KCTD16: variants seen among roughly 807,000 people sequenced by gnomAD.
KCTD16 encodes the protein potassium channel tetramerization domain containing 16, also known as BTB/POZ domain-containing protein KCTD16.
KCTD16 carries 13 observed loss-of-function variants against 33.2 expected under a neutral mutation model. The observed-to-expected ratio is 0.39, with a 90% CI of 0.25 to 0.62. KCTD16 has a LOEUF of 0.62. Among genes scored for constraint, KCTD16 ranks in the 20% least tolerant of loss-of-function variants. The pLI is 0.50. For missense variants in KCTD16, 441 were observed against 525.1 expected (o/e 0.84, Z 1.57); for synonymous variants, 197 against 195.3 (o/e 1.01, Z -0.07).
intron 3 of KCTD16, among the ~76,000 whole-genome samples, chr5:144,320,579 G>A (rs567737984): frequency 1.4e-3 from 217 of 152,150 alleles, no homozygotes; most frequent in African/African-American, 5.0e-3. Context: ...GGTTAAAGTA[G>A]GAATACAAGT....
rs73792380 is a variant in KCTD16 at position 144,300,747 on chromosome 5, C to T, written c.832+93201C>T. ...TGGTTGGGCAAAACAGGAGAGTCCACCCAAAGGATTTCACATTATTAAATA... is the reference window on the plus strand; with the variant it reads ...TGGTTGGGCAAAACAGGAGAGTCCATCCAAAGGATTTCACATTATTAAATA... On this transcript the variant is annotated intron_variant, in intron 3 of 3. Transcript: ENST00000512467. Among the ~76,000 whole-genome samples, 287 of 152,170 alleles carry T rather than the reference C, an allele frequency of 1.9e-3. 2 individuals are homozygous for T. Among genetic ancestry groups the T allele is most frequent in the African/African-American group, 6.4e-3 (266 of 41,498 alleles).
At chr5:144,241,138 G>A (rs765264906) in intron 3 of KCTD16, among the ~76,000 whole-genome samples, 12 of 152,142 alleles carry the variant, frequency 7.9e-5, no homozygotes, top group Non-Finnish European at 8.8e-5. Context: ...AAACTCACTC[G>A]AAGTGTCTTG....
At chr5:144,441,176 G>A (rs1231579672) in intron 3 of KCTD16, among the ~76,000 whole-genome samples, 1 of 152,016 alleles carries the variant, frequency 6.6e-6, no homozygotes, top group Non-Finnish European at 1.5e-5. Context: ...CTTATCAGAT[G>A]TATGATGTGT....
intron 2 of KCTD16, among the ~76,000 whole-genome samples, chr5:144,179,612 C>G (rs1218066397): frequency 6.6e-6 from 1 of 152,184 alleles, no homozygotes; most frequent in East Asian, 1.9e-4. Flanking sequence ...AGATAGAAGA[C>G]TATCAGAACA....
At chr5:144,471,867 G>C (rs1314950943) in intron 3 of KCTD16, among the ~76,000 whole-genome samples, 2 of 152,198 alleles carry the variant, frequency 1.3e-5, no homozygotes, top group African/African-American at 4.8e-5. Flanking sequence ...AAAATGACTT[G>C]AAAGAGTGGG....
At chr5:144,469,580 C>T (rs909428903) in intron 3 of KCTD16, among the ~76,000 whole-genome samples, 9 of 152,154 alleles carry the variant, frequency 5.9e-5, no homozygotes, top group African/African-American at 1.9e-4. Flanking sequence ...ACATCCTTTA[C>T]ATTAGCTATC....
intron 3 of KCTD16, among the ~76,000 whole-genome samples, chr5:144,425,245 A>G (rs542723661): frequency 6.6e-6 from 1 of 152,264 alleles, no homozygotes; most frequent in South Asian, 2.1e-4. Flanking sequence ...AAGGGGGAAA[A>G]ACTCAAGAAA....
intron 3 of KCTD16, among the ~76,000 whole-genome samples, chr5:144,210,163 C>G (rs749838293): frequency 6.6e-6 from 1 of 151,974 alleles, no homozygotes; most frequent in Admixed American, 6.6e-5. Context: ...ACCTATCAAC[C>G]ATGAATAAGT....
chr5:144,317,020 G>T (rs1226966774), intron 3 of KCTD16, among the ~76,000 whole-genome samples: 2 of 150,688 alleles, frequency 1.3e-5, no homozygotes, highest in Non-Finnish European at 2.9e-5. Flanking sequence ...TAGAGATGGG[G>T]TTTCATCATA....
intron 2 of KCTD16, among the ~76,000 whole-genome samples, chr5:144,176,387 C>CTTTT (rs368578231): frequency 7.5e-5 from 8 of 106,674 alleles, no homozygotes; most frequent in East Asian, 2.6e-4. Context: ...TATAGTGTTT[C>CTTTT]TTTTTTTTTT....
chr5:144,267,071 G>A (rs1380259326), intron 3 of KCTD16, among the ~76,000 whole-genome samples: 1 of 152,170 alleles, frequency 6.6e-6, no homozygotes, highest in South Asian at 2.1e-4. Flanking sequence ...TGGTCATGAG[G>A]TGAAATCAGC....
intron 3 of KCTD16, among the ~76,000 whole-genome samples, chr5:144,318,608 C>T (rs1183674672): frequency 2.0e-5 from 3 of 152,182 alleles, no homozygotes; most frequent in Non-Finnish European, 4.4e-5. Context: ...TTTTCTCATT[C>T]AGGACTATTT....
rs1279812266 is a variant in KCTD16, at chr5:144,171,523, C to T, written c.-493+514C>T. Among the ~76,000 whole-genome samples the T allele has an allele frequency of 2.0e-5, 3 of 152,250 alleles. No homozygotes were observed. The East Asian group carries it at 5.8e-4, about 29-fold the overall frequency. ...GGGCTGCCCTGTGCATGATGCTTAG[C>T]AGTAGCATCCCTAATCTCTAGCCAT... On this transcript the variant is annotated intron_variant, in intron 1 of 3. Transcript: ENST00000512467.
At chr5:144,230,626 C>T (rs1342255433) in intron 3 of KCTD16, among the ~76,000 whole-genome samples, 1 of 151,476 alleles carries the variant, frequency 6.6e-6, no homozygotes, top group African/African-American at 2.4e-5. Flanking sequence ...ATTGGGAATG[C>T]CAATTATATA....
intron 3 of KCTD16, among the ~76,000 whole-genome samples, chr5:144,371,429 T>G (rs1012493103): frequency 1.3e-5 from 2 of 152,140 alleles, no homozygotes; most frequent in African/African-American, 4.8e-5. Flanking sequence ...AGCCAAACAT[T>G]AACTTACCGT....
In KCTD16 at chr5:144,298,043, G is replaced by A. The variant is rs188438403; in HGVS notation, c.832+90497G>A. ...CTGATCCAGCAAGGCGCCCATTGCC[G>A]CTCCCGATTGGGCTAAAGGCTTGCC... On this transcript the variant is annotated intron_variant, in intron 3 of 3. Coordinates refer to ENST00000512467, the MANE Select transcript of KCTD16 (RefSeq NM_020768.4). Among the ~76,000 whole-genome samples, 47 of 152,288 alleles carry A rather than the reference G, an allele frequency of 3.1e-4. 1 individual carries two copies. The South Asian group carries it at 8.7e-3, about 28-fold the overall frequency.
intron 3 of KCTD16, among the ~76,000 whole-genome samples, chr5:144,364,693 A>C (rs1751793425): frequency 6.6e-6 from 1 of 152,214 alleles, no homozygotes; most frequent in African/African-American, 2.4e-5. Flanking sequence ...CTATTCTTTG[A>C]GTAAAAGTAG....
chr5:144,333,082 G>A (rs1449944156), intron 3 of KCTD16, among the ~76,000 whole-genome samples: 4 of 152,140 alleles, frequency 2.6e-5, no homozygotes. Flanking sequence ...AATTCGAGAT[G>A]AGATTTGAGT....
chr5:144,212,238 A>G (rs1329237699), intron 3 of KCTD16, among the ~76,000 whole-genome samples: 3 of 152,150 alleles, frequency 2.0e-5, no homozygotes, highest in Non-Finnish European at 1.5e-5. Context: ...GTGCACTGAG[A>G]ATTGGGCTTA....
Sources: gnomAD v4.1 joint callset for allele counts (sites outside exome capture counted in the v4.1 genomes callset) on GRCh38, gnomAD v4.1.1 for gene constraint, MANE v1.5 for transcripts, NCBI Gene and HGNC (gene_info 2026-07-23, HGNC 2026-07-21) for gene names.